The following SUPT3H variants were observed in gnomAD, a reference collection of about 807,000 sequenced individuals.
The protein encoded by SUPT3H is transcription initiation protein SPT3 homolog.
A neutral mutation model predicts 44.3 loss-of-function variants in SUPT3H; 44 were observed. That is an observed-to-expected ratio of 0.99 (90% CI 0.78 to 1.28). SUPT3H has a LOEUF of 1.28. Ranked by LOEUF, SUPT3H falls within the 50% of genes most tolerant of loss-of-function variation. The pLI is 0.00. For synonymous variants in SUPT3H, 124 were observed against 125.6 expected (o/e 0.99, Z 0.09); for missense variants, 380 against 387.1 (o/e 0.98, Z 0.15).
chr6:45,090,639 ATAATG>A (rs1401420157), intron 3 of SUPT3H, among the ~76,000 whole-genome samples: 4 of 152,038 alleles, frequency 2.6e-5, no homozygotes, highest in Non-Finnish European at 5.9e-5. Flanking sequence ...TCTACTAAAT[ATAATG>A]TACTCATTGA....
chr6:45,259,153 G>A (rs910661667), intron 2 of SUPT3H, among the ~76,000 whole-genome samples: 2 of 152,032 alleles, frequency 1.3e-5, no homozygotes, highest in Admixed American at 6.6e-5. Flanking sequence ...TGCTTGTTGG[G>A]AAGAGATGAG....
Position 45,230,660 on chromosome 6 carries a change from G to GCATATATATATATATA in SUPT3H, c.102-124655_102-124654insTATATATATATATATG, listed in dbSNP as rs765270979. ...TGAAATCATGTTTTAAATTCATTCA[G>GCATATATATATATATA]TCTATATATATATATATATATATAT... On this transcript the variant is annotated intron_variant, in intron 2 of 10. Coordinates refer to ENST00000371459, the MANE Select transcript of SUPT3H (RefSeq NM_003599.4). 2.2e-3 allele frequency among the ~76,000 whole-genome samples: 114 copies of GCATATATATATATATA among 51,108 alleles called. 26 individuals carry two copies. Among genetic ancestry groups the GCATATATATATATATA allele is most frequent in the Middle Eastern group, 0.019 (2 of 108 alleles). 33.5% of individuals were successfully genotyped at this position (51,108 alleles called of 152,430 possible). A position where few individuals can be genotyped will look rare whatever the true frequency, so the allele number is the denominator to read the frequency against.
At chr6:45,301,944 A>C (rs1782195639) in intron 2 of SUPT3H, among the ~76,000 whole-genome samples, 1 of 152,158 alleles carries the variant, frequency 6.6e-6, no homozygotes, top group African/African-American at 2.4e-5. Flanking sequence ...TAGCAGACAA[A>C]ACCAAACCAA....
At chr6:45,363,521 A>T (rs1794621660) in intron 2 of SUPT3H, among the ~76,000 whole-genome samples, 1 of 152,132 alleles carries the variant, frequency 6.6e-6, no homozygotes. Context: ...AAAGTTTTAA[A>T]AATACAAAGT....
chr6:45,125,014 A>G (rs1474621232), intron 2 of SUPT3H, among the ~76,000 whole-genome samples: 1 of 152,154 alleles, frequency 6.6e-6, no homozygotes, highest in Non-Finnish European at 1.5e-5. Flanking sequence ...ACGAAACACC[A>G]AGGATTGCTG....
At chr6:45,058,647 T>A (rs1791501205) in intron 3 of SUPT3H, among the ~76,000 whole-genome samples, 1 of 152,094 alleles carries the variant, frequency 6.6e-6, no homozygotes, top group South Asian at 2.1e-4. Flanking sequence ...AAAAGGAGCG[T>A]TCAGCTATTG....
intron 2 of SUPT3H, among the ~76,000 whole-genome samples, chr6:45,234,269 T>C (rs1768644660): frequency 6.6e-6 from 1 of 151,992 alleles, no homozygotes; most frequent in South Asian, 2.1e-4. Context: ...TGTTGTTGAA[T>C]AAAACCAAAG....
chr6:45,114,428 T>G (rs1447638400), intron 2 of SUPT3H, among the ~76,000 whole-genome samples: 1 of 152,150 alleles, frequency 6.6e-6, no homozygotes, highest in Non-Finnish European at 1.5e-5. Context: ...TGTGAAATAT[T>G]AAAACATGTA....
chr6:45,111,884 C>T (rs1041012023), intron 2 of SUPT3H, among the ~76,000 whole-genome samples: 1 of 152,050 alleles, frequency 6.6e-6, no homozygotes, highest in African/African-American at 2.4e-5. Context: ...GTTCACAGGG[C>T]TTGTATCCAA....
Position 44,826,944 on chromosome 6 carries a change from G to C in SUPT3H, c.*2872C>G, listed in dbSNP as rs1007939816. Among the ~76,000 whole-genome samples, 2 of 152,096 alleles carry C rather than the reference G, an allele frequency of 1.3e-5. No individual in the cohort carries two copies. The highest frequency in any genetic ancestry group is 4.8e-5 in the African/African-American group (2 of 41,428). On this transcript the variant is annotated 3_prime_UTR_variant, in exon 11 of 11. Coordinates refer to ENST00000371459, the MANE Select transcript of SUPT3H (RefSeq NM_003599.4). ...GTTTTAAAATTGAAACAGTATTTTT[G>C]AATCACAACGATTACAATCTAAGAA...
chr6:45,021,377 A>G (rs1055522485), intron 3 of SUPT3H, among the ~76,000 whole-genome samples: 6 of 151,982 alleles, frequency 3.9e-5, no homozygotes, highest in African/African-American at 1.4e-4. Context: ...GGAAAATAAA[A>G]GAATGTGAAA....
At chr6:45,100,302 G>A (rs1350649768) in intron 3 of SUPT3H, among the ~76,000 whole-genome samples, 1 of 151,896 alleles carries the variant, frequency 6.6e-6, no homozygotes, top group Non-Finnish European at 1.5e-5. Flanking sequence ...CCTGCAAGAT[G>A]GGAGAAAATG....
intron 11 of SUPT3H, among the ~76,000 whole-genome samples, chr6:44,816,678 T>G (rs767971503): frequency 5.9e-5 from 9 of 152,060 alleles, no homozygotes; most frequent in Non-Finnish European, 8.8e-5. Context: ...AAACCAGAAA[T>G]GAGACATTAC....
At chr6:45,041,648 G>A (rs1477968086) in intron 3 of SUPT3H, among the ~76,000 whole-genome samples, 2 of 152,122 alleles carry the variant, frequency 1.3e-5, no homozygotes, top group Non-Finnish European at 2.9e-5. Context: ...AGGAGCAGCT[G>A]AAAATGCAAA....
At chr6:45,282,378 G>C (rs928417972) in intron 2 of SUPT3H, among the ~76,000 whole-genome samples, 1 of 152,132 alleles carries the variant, frequency 6.6e-6, no homozygotes, top group South Asian at 2.1e-4. Flanking sequence ...AACCAATGCA[G>C]AGAAGTCCTT....
intron 2 of SUPT3H, among the ~76,000 whole-genome samples, chr6:45,212,703 C>T (rs62400267): frequency 0.22 from 33,299 of 152,038 alleles, 4,459 homozygotes; most frequent in Non-Finnish European, 0.31. Flanking sequence ...GTCTTCAGGG[C>T]TGACAATTTG....
At chr6:45,090,426 AT>A (rs1796993989) in intron 3 of SUPT3H, among the ~76,000 whole-genome samples, 1 of 152,204 alleles carries the variant, frequency 6.6e-6, no homozygotes, top group Admixed American at 6.5e-5. Flanking sequence ...TAAATTAGAT[AT>A]GTTAGAAATG....
intron 10 of SUPT3H, among the ~76,000 whole-genome samples, chr6:44,885,543 G>A (rs1274883795): frequency 2.6e-5 from 4 of 152,166 alleles, no homozygotes; most frequent in African/African-American, 7.2e-5. Context: ...CAACAGACCT[G>A]CAGCTAAGGG....
intron 6 of SUPT3H, among the ~76,000 whole-genome samples, chr6:44,991,723 G>C (rs16873015): frequency 1.3e-5 from 2 of 151,916 alleles, no homozygotes; most frequent in Non-Finnish European, 2.9e-5. Context: ...ATAAAGTAGT[G>C]GCAACAATAA....
Sources: allele counts gnomAD v4.1 joint callset (sites outside exome capture counted in the v4.1 genomes callset), GRCh38; gene constraint gnomAD v4.1.1; transcripts MANE v1.5; gene names NCBI Gene and HGNC (gene_info 2026-07-23, HGNC 2026-07-21).